The following FOXP2 variants were observed in gnomAD, a reference collection of about 807,000 sequenced individuals.
FOXP2 encodes the protein forkhead box P2.
A neutral mutation model predicts 115.8 loss-of-function variants in FOXP2; 12 were observed. That is an observed-to-expected ratio of 0.10 (90% confidence interval 0.07 to 0.17). FOXP2 has a LOEUF of 0.17. Among genes scored for constraint, FOXP2 ranks in the 10% least tolerant of loss-of-function variants. FOXP2 has a pLI of 1.00. For missense variants in FOXP2, 629 were observed against 843.5 expected, an observed-to-expected ratio of 0.75 and a Z score of 3.15; for synonymous variants, 328 against 297.7, an observed-to-expected ratio of 1.10 and a Z score of -1.05.
At chr7:114,390,023 C>A (rs1438756076) in intron 2 of FOXP2, among the ~76,000 whole-genome samples, 927 of 93,094 alleles carry the variant, frequency 1.0e-2, no homozygotes, top group Middle Eastern at 0.023. Context: ...CATTCAGTGT[C>A]AAAAAAAAAA....
At chr7:114,195,787 T>C (rs1200436839) in intron 1 of FOXP2, among the ~76,000 whole-genome samples, 3 of 152,122 alleles carry the variant, frequency 2.0e-5, no homozygotes, top group African/African-American at 7.2e-5. Flanking sequence ...GACTGGATTT[T>C]AGTGTGCATA....
intron 1 of FOXP2, among the ~76,000 whole-genome samples, chr7:114,127,172 G>A (rs977291124): frequency 1.3e-5 from 2 of 152,136 alleles, no homozygotes; most frequent in Admixed American, 6.6e-5. Context: ...ATAAGTCCCC[G>A]TTTATTGCCA....
In FOXP2 at chr7:114,386,682, A is replaced by G. The variant is rs1203255007; in HGVS notation, c.-10-39820A>G. On this transcript the variant is annotated intron_variant, in intron 2 of 17. Coordinates refer to the FOXP2 transcript ENST00000634411. ...AATATTGGAAGTGAAGGTTAATCCC[A>G]AGAAGCAGCCAACATACATAGAGAC... Among the ~76,000 whole-genome samples the G allele has an allele frequency of 2.0e-5, 3 of 152,330 alleles. No homozygotes were observed. The East Asian group carries it at 5.8e-4, about 29-fold the overall frequency.
At chr7:114,503,076 C>T (rs1239610787) in intron 2 of FOXP2, among the ~76,000 whole-genome samples, 1 of 151,904 alleles carries the variant, frequency 6.6e-6, no homozygotes, top group African/African-American at 2.4e-5. Flanking sequence ...CATGGCACAG[C>T]CGAAAGTAGC....
chr7:114,482,038 C>T (rs1300449630), intron 2 of FOXP2, among the ~76,000 whole-genome samples: 2 of 151,316 alleles, frequency 1.3e-5, no homozygotes, highest in South Asian at 2.1e-4. Flanking sequence ...TACTATTCCT[C>T]CTAGTTGGCA....
chr7:114,240,881 A>G (rs1795134559), intron 1 of FOXP2, among the ~76,000 whole-genome samples: 1 of 151,958 alleles, frequency 6.6e-6, no homozygotes, highest in Non-Finnish European at 1.5e-5. Flanking sequence ...CACCATTTTA[A>G]TATTTGTTTT....
At chr7:114,431,958 A>C in intron 2 of FOXP2, among the ~76,000 whole-genome samples, 1 of 151,936 alleles carries the variant, frequency 6.6e-6, no homozygotes, top group Non-Finnish European at 1.5e-5. Flanking sequence ...TACAGTCATA[A>C]TTCTGTCTTG....
chr7:114,658,389 A>G (rs1224980422), intron 11 of FOXP2, 122 bp downstream of exon 11: 19 of 1,016,834 alleles, frequency 1.9e-5, no homozygotes, highest in African/African-American at 4.8e-5. Flanking sequence ...TGGAGTGATA[A>G]TTGTTTTATT....
At chr7:114,468,611 A>G (rs1259241716) in intron 2 of FOXP2, among the ~76,000 whole-genome samples, 1 of 152,082 alleles carries the variant, frequency 6.6e-6, no homozygotes, top group Non-Finnish European at 1.5e-5. Context: ...CCTACCTGGA[A>G]CAACTCTTTC....
intron 1 of FOXP2, among the ~76,000 whole-genome samples, chr7:114,132,350 G>A (rs1791901455): frequency 6.6e-6 from 1 of 151,824 alleles, no homozygotes; most frequent in Non-Finnish European, 1.5e-5. Flanking sequence ...CATTAACTTA[G>A]TCTTTCATTC....
intron 2 of FOXP2, among the ~76,000 whole-genome samples, chr7:114,527,344 T>C (rs1055240567): frequency 5.9e-5 from 9 of 152,082 alleles, no homozygotes; most frequent in African/African-American, 1.9e-4. Context: ...TAATGGATCA[T>C]GTGGTAATTC....
chr7:114,460,771 A>G (rs913960680), intron 2 of FOXP2, among the ~76,000 whole-genome samples: 1 of 152,198 alleles, frequency 6.6e-6, no homozygotes, highest in South Asian at 2.1e-4. Context: ...GTACACATGA[A>G]ATAGTTTCAG....
chr7:114,253,502 ATAGTTAGCTCT>A (rs1468238242), intron 1 of FOXP2, among the ~76,000 whole-genome samples: 2 of 152,130 alleles, frequency 1.3e-5, no homozygotes, highest in Non-Finnish European at 2.9e-5. Flanking sequence ...TATATTTAGG[ATAGTTAGCTCT>A]TCTTGTTGAA....
intron 1 of FOXP2, 100 bp from the exon 2 acceptor site, chr7:114,426,402 T>G: frequency 8.8e-7 from 1 of 1,135,416 alleles, no homozygotes; most frequent in Non-Finnish European, 1.3e-6. Context: ...TTCCCCCTCT[T>G]CTAAAGATGC....
chr7:114,334,935 A>ATATATATATATATATATATAGAAATC (rs1797809683), intron 2 of FOXP2, among the ~76,000 whole-genome samples: 2 of 125,266 alleles, frequency 1.6e-5, no homozygotes, highest in Admixed American at 8.3e-5. Flanking sequence ...AGAAATCTAT[A>ATATATATATATATATATATAGAAATC]TATATATATA....
At chr7:114,559,854 A>G (rs1185451051) in intron 3 of FOXP2, among the ~76,000 whole-genome samples, 5 of 149,466 alleles carry the variant, frequency 3.3e-5, no homozygotes, top group Non-Finnish European at 7.4e-5. Flanking sequence ...GTGCCACTGC[A>G]CTCCAGCCTG....
intron 1 of FOXP2, among the ~76,000 whole-genome samples, chr7:114,163,335 C>T (rs928409869): frequency 4.6e-5 from 7 of 151,856 alleles, no homozygotes; most frequent in African/African-American, 7.3e-5. Context: ...GATAGAGAGC[C>T]GTTAAGAATT....
At position 114,649,904 on chromosome 7, in the gene FOXP2, C is replaced by T. The variant is rs565953212; in HGVS notation, c.1095-2299C>T. Among the ~76,000 whole-genome samples, 16 of 152,124 alleles carry T rather than the reference C, an allele frequency of 1.1e-4. No homozygotes were observed. In the East Asian group the frequency reaches 1.7e-3, roughly 17 times the overall value. ...CTGGCATTTCATAACTATGTGTCCT[C>T]GAAAAGTGCTTTGTGAGTTTGTCAC... On this transcript the variant is annotated intron_variant, in intron 8 of 16. Coordinates refer to ENST00000350908, the MANE Select transcript of FOXP2 (RefSeq NM_014491.4).
At chr7:114,314,739 T>C (rs1797233083) in intron 2 of FOXP2, among the ~76,000 whole-genome samples, 1 of 152,166 alleles carries the variant, frequency 6.6e-6, no homozygotes, top group African/African-American at 2.4e-5. Flanking sequence ...GGAAAGAAGC[T>C]ATATTGGCAA....
Sources: gnomAD v4.1 joint callset for allele counts (sites outside exome capture counted in the v4.1 genomes callset) on GRCh38, gnomAD v4.1.1 for gene constraint, MANE v1.5 for transcripts, NCBI Gene and HGNC (gene_info 2026-07-23, HGNC 2026-07-21) for gene names.